EDARADD: variants seen among roughly 807,000 people sequenced by gnomAD.
The protein encoded by EDARADD is ectodysplasin-A receptor-associated adapter protein.
Under a neutral mutation model 25.6 loss-of-function variants are expected in EDARADD, and 20 were observed. That is an observed-to-expected ratio of 0.78 (90% CI 0.55 to 1.14). EDARADD has a LOEUF of 1.14. EDARADD is among the 50% of genes most tolerant of loss of function. The probability of loss-of-function intolerance (pLI) is 0.00; values close to 1 mark genes in which losing one functional copy is unlikely to be tolerated. For synonymous variants in EDARADD, 86 were observed against 94.4 expected, an observed-to-expected ratio of 0.91 and a Z score of 0.52; for missense variants, 225 against 270.1, an observed-to-expected ratio of 0.83 and a Z score of 1.17.
intron 2 of EDARADD, among the ~76,000 whole-genome samples, chr1:236,409,929 G>A (rs1307633514): frequency 1.3e-5 from 2 of 151,946 alleles, no homozygotes; most frequent in African/African-American, 4.8e-5. Context: ...ATGGACACAC[G>A]CTATTGGATT....
At position 236,356,957 on chromosome 1, in the gene EDARADD, G is replaced by A. The variant is rs566320918; in HGVS notation, c.-6+6118G>A. Reference sequence around the variant, plus strand: ...AAATTAGCCGGGCATGGTGGTGCATGCCTGTAATCCCAGCTACTATGGAGG... The same window carrying A: ...AAATTAGCCGGGCATGGTGGTGCATACCTGTAATCCCAGCTACTATGGAGG... On this transcript the variant is annotated intron_variant, in intron 3 of 7. Coordinates refer to the EDARADD transcript ENST00000439430. 1.6e-3 allele frequency among the ~76,000 whole-genome samples: 241 copies of A among 152,124 alleles called. 5 individuals are homozygous for A. The highest frequency in any genetic ancestry group is 0.015 in the Admixed American group (236 of 15,260).
At chr1:236,355,500 CTTTTTTT>C (rs563976436) in intron 3 of EDARADD, among the ~76,000 whole-genome samples, 10 of 73,170 alleles carry the variant, frequency 1.4e-4, no homozygotes, top group African/African-American at 4.7e-4. Context: ...GCTTCTTCTT[CTTTTTTT>C]TTTTTTTTTT....
intron 2 of EDARADD, among the ~76,000 whole-genome samples, chr1:236,410,591 G>C (rs1657440655): frequency 6.6e-6 from 1 of 152,126 alleles, no homozygotes; most frequent in African/African-American, 2.4e-5. Context: ...GCCCAGCACT[G>C]CTTCTTGCTG....
intron 1 of EDARADD, among the ~76,000 whole-genome samples, chr1:236,400,937 T>C (rs1667603715): frequency 6.6e-6 from 1 of 151,940 alleles, no homozygotes. Flanking sequence ...GGCTCACGCC[T>C]ATAATCCCCA....
At chr1:236,413,002 T>G (rs1021270216) in intron 2 of EDARADD, among the ~76,000 whole-genome samples, 1 of 152,222 alleles carries the variant, frequency 6.6e-6, no homozygotes, top group Admixed American at 6.5e-5. Flanking sequence ...CAGCTGGGAT[T>G]ACAGGCACGG....
intron 3 of EDARADD, among the ~76,000 whole-genome samples, chr1:236,375,901 GAAAA>G (rs1291388018): frequency 4.0e-5 from 5 of 123,514 alleles, no homozygotes; most frequent in Non-Finnish European, 5.2e-5. Flanking sequence ...AAGAAAGAAA[GAAAA>G]AAAAAAGAAT....
At chr1:236,446,945 T>A (rs1157982049) in intron 4 of EDARADD, among the ~76,000 whole-genome samples, 1 of 152,134 alleles carries the variant, frequency 6.6e-6, no homozygotes, top group Non-Finnish European at 1.5e-5. Context: ...CTCAGAGTGC[T>A]GAGATGTGGT....
Position 236,484,553 on chromosome 1 carries a change from G to A in EDARADD, c.*1904G>A, listed in dbSNP as rs567689874. ...TCAACTCCGGCAGCTCAAGACCCCC[G>A]AGCAACATTTGTAGGGGCCGCTGCT... On this transcript the variant is annotated 3_prime_UTR_variant, in exon 6 of 6. Coordinates refer to ENST00000334232, the MANE Select transcript of EDARADD (RefSeq NM_145861.4). The surrounding 1 kb of genome is among the most constrained non-coding windows in gnomAD (Gnocchi z 4.1). The A allele has an allele frequency of 8.6e-5, 99 of 1,144,852 alleles. No homozygotes were observed. Among genetic ancestry groups the A allele is most frequent in the Non-Finnish European group, 1.2e-4 (90 of 782,178 alleles). The allele number at this position is 1,144,852 out of a possible 1,614,324, so 70.9% of individuals were successfully genotyped here.
intron 2 of EDARADD, 111 bp downstream of exon 2, chr1:236,409,385 A>G: frequency 1.2e-6 from 1 of 835,500 alleles, no homozygotes; most frequent in Non-Finnish European, 2.0e-6. Flanking sequence ...GAAACCCCAA[A>G]GTAAGATTTT....
intron 5 of EDARADD, among the ~76,000 whole-genome samples, chr1:236,470,763 C>G (rs2103036833): frequency 6.6e-6 from 1 of 152,262 alleles, no homozygotes; most frequent in Non-Finnish European, 1.5e-5. Context: ...CGCCCACCAC[C>G]ACACCCAGCT....
intron 4 of EDARADD, among the ~76,000 whole-genome samples, chr1:236,432,357 T>C (rs597966): frequency 0.49 from 73,215 of 150,606 alleles, 18,861 homozygotes; most frequent in Non-Finnish European, 0.59. Flanking sequence ...CCACTGCACT[T>C]CAGCCTGGGA....
intron 3 of EDARADD, among the ~76,000 whole-genome samples, chr1:236,371,333 T>G (rs1235804204): frequency 6.6e-6 from 1 of 152,230 alleles, no homozygotes; most frequent in Non-Finnish European, 1.5e-5. Context: ...GCTGTTGTCA[T>G]TGAATATTTC....
At chr1:236,417,018 G>A (rs560410400) in intron 3 of EDARADD, among the ~76,000 whole-genome samples, 4 of 152,110 alleles carry the variant, frequency 2.6e-5, no homozygotes, top group Non-Finnish European at 4.4e-5. Flanking sequence ...GGAAGCTGGG[G>A]TGGGAGGATC....
intron 1 of EDARADD, among the ~76,000 whole-genome samples, chr1:236,403,601 TTTAA>T (rs1667655523): frequency 6.6e-6 from 1 of 152,114 alleles, no homozygotes; most frequent in Admixed American, 6.6e-5. Context: ...GCTTTGAAAG[TTTAA>T]TTGTGAACTT....
intron 4 of EDARADD, among the ~76,000 whole-genome samples, chr1:236,461,486 T>C (rs1659037263): frequency 6.6e-6 from 1 of 152,228 alleles, no homozygotes; most frequent in Admixed American, 6.5e-5. Context: ...CTTCTGGTTC[T>C]CTATTCTGTC....
intron 3 of EDARADD, among the ~76,000 whole-genome samples, chr1:236,388,128 ATG>A (rs113190602): frequency 6.0e-5 from 9 of 149,636 alleles, no homozygotes; most frequent in African/African-American, 7.3e-5. Context: ...TGCATTGTGT[ATG>A]TGTGTGTGTG....
intron 2 of EDARADD, 66 bp from the exon 3 acceptor site, chr1:236,414,194 C>G: frequency 7.2e-7 from 1 of 1,396,708 alleles, no homozygotes; most frequent in South Asian, 1.2e-5. Context: ...CAAGACAAAG[C>G]TTTCTTTTCA....
chr1:236,361,270 C>T (rs1389004054), intron 3 of EDARADD, among the ~76,000 whole-genome samples: 1 of 151,882 alleles, frequency 6.6e-6, no homozygotes, highest in Non-Finnish European at 1.5e-5. Context: ...CTACTTTATA[C>T]CACTGTCAAT....
intron 4 of EDARADD, among the ~76,000 whole-genome samples, chr1:236,457,836 A>AT (rs377083712): frequency 0.14 from 20,410 of 151,052 alleles, 1,443 homozygotes; most frequent in Non-Finnish European, 0.15. Context: ...AAAAAAAAAA[A>AT]AAAAAAATCA....
Sources: gnomAD v4.1 joint callset for allele counts (sites outside exome capture counted in the v4.1 genomes callset) on GRCh38, gnomAD v4.1.1 for gene constraint, Gnocchi (gnomAD v3.1) non-coding constraint, MANE v1.5 for transcripts, NCBI Gene and HGNC (gene_info 2026-07-23, HGNC 2026-07-21) for gene names.